NMT2: variants seen among roughly 807,000 people sequenced by gnomAD.
The protein encoded by NMT2 is N-myristoyltransferase 2.
A neutral mutation model predicts 65.4 loss-of-function variants in NMT2; 35 were observed. That is an observed-to-expected ratio of 0.54 (90% CI 0.41 to 0.71). The LOEUF (loss-of-function observed/expected upper bound fraction) is 0.71, where lower values mean the gene tolerates loss of function less well. NMT2 is among the 30% of genes least tolerant of loss of function. NMT2 has a pLI of 0.00. For missense variants in NMT2, 489 were observed against 611.3 expected, an observed-to-expected ratio of 0.80 and a Z score of 2.11; for synonymous variants, 226 against 231.8, an observed-to-expected ratio of 0.98 and a Z score of 0.23.
chr10:15,134,940 C>T (rs977269095), intron 3 of NMT2, among the ~76,000 whole-genome samples: 2 of 152,060 alleles, frequency 1.3e-5, no homozygotes, highest in Non-Finnish European at 2.9e-5. Flanking sequence ...GAGCTATGAT[C>T]ATGCCACTGC....
intron 1 of NMT2, among the ~76,000 whole-genome samples, chr10:15,152,089 C>G (rs1332313739): frequency 6.6e-6 from 1 of 152,140 alleles, no homozygotes; most frequent in Non-Finnish European, 1.5e-5. Flanking sequence ...ATAGCTTGAT[C>G]CAAGGCTGTG....
At chr10:15,120,584 A>G (rs1212099720) in intron 8 of NMT2, among the ~76,000 whole-genome samples, 1 of 152,222 alleles carries the variant, frequency 6.6e-6, no homozygotes, top group Non-Finnish European at 1.5e-5. Context: ...CCTAGAACCA[A>G]TCCTTCATGG....
rs1354079976 is a variant in NMT2 at position 15,107,986 on chromosome 10, A to C, written c.*1209T>G. On this transcript the variant is annotated 3_prime_UTR_variant, in exon 12 of 12. Coordinates refer to ENST00000378165, the MANE Select transcript of NMT2 (RefSeq NM_004808.3). ...AGTTTTCATGATAAAATCAGCATAGAGGAGTATGTGCAATTTTGCATAAGT... is the reference window on the plus strand; with the variant it reads ...AGTTTTCATGATAAAATCAGCATAGCGGAGTATGTGCAATTTTGCATAAGT... 1 of 985,722 alleles carries C rather than the reference A, an allele frequency of 1.0e-6. No homozygotes were observed. The highest frequency in any genetic ancestry group is 1.2e-6 in the Non-Finnish European group (1 of 829,804). The allele number at this position is 985,722 out of a possible 1,614,324, so 61.1% of individuals were successfully genotyped here. A position where few individuals can be genotyped will look rare whatever the true frequency, so the allele number is the denominator to read the frequency against.
intron 1 of NMT2, among the ~76,000 whole-genome samples, chr10:15,164,483 C>G (rs142676602): frequency 4.6e-4 from 70 of 152,260 alleles, no homozygotes; most frequent in African/African-American, 1.6e-3. Flanking sequence ...GACTCTGTCT[C>G]CAACAATGGA....
At chr10:15,154,806 T>C in intron 1 of NMT2, 1 of 762,074 alleles carries the variant, frequency 1.3e-6, no homozygotes, top group Non-Finnish European at 2.3e-6. Flanking sequence ...TTATTAGAGT[T>C]GTCCACAGTC....
chr10:15,116,282 A>T (rs1488438445), intron 9 of NMT2, among the ~76,000 whole-genome samples: 1 of 152,206 alleles, frequency 6.6e-6, no homozygotes, highest in Non-Finnish European at 1.5e-5. Flanking sequence ...GAGACAACAG[A>T]AAATCTCTAA....
At chr10:15,141,396 AG>A (rs1430104291) in intron 2 of NMT2, 25 bp downstream of exon 2, 1 of 1,612,944 alleles carries the variant, frequency 6.2e-7, no homozygotes, top group African/African-American at 1.3e-5. Flanking sequence ...AACCACACAG[AG>A]GAAAAAATAA....
intron 8 of NMT2, 77 bp downstream of exon 8, chr10:15,128,273 T>G (rs1410509261): frequency 2.4e-6 from 2 of 848,116 alleles, no homozygotes; most frequent in African/African-American, 3.4e-5. Flanking sequence ...GTTTTTAGAC[T>G]CCTGCAAATA....
At chr10:15,161,101 A>AAAAAAAAAAC (rs1564593766) in intron 1 of NMT2, among the ~76,000 whole-genome samples, 1 of 149,752 alleles carries the variant, frequency 6.7e-6, no homozygotes, top group African/African-American at 2.4e-5. Flanking sequence ...AAAAAAAAAA[A>AAAAAAAAAAC]AAAAAAAAAC....
At chr10:15,136,315 A>G (rs1336376028) in intron 2 of NMT2, among the ~76,000 whole-genome samples, 2 of 149,448 alleles carry the variant, frequency 1.3e-5, no homozygotes, top group African/African-American at 4.9e-5. Context: ...AGAGAGAAAG[A>G]GAAAGGGAGA....
chr10:15,113,881 A>C (rs1845658250), intron 9 of NMT2, among the ~76,000 whole-genome samples: 1 of 152,212 alleles, frequency 6.6e-6, no homozygotes, highest in Non-Finnish European at 1.5e-5. Flanking sequence ...TTCCAATACA[A>C]GAAATTAGCC....
rs755417853 is a variant in NMT2, at chr10:15,108,977, C to T, written c.*218G>A. 4.4e-5 allele frequency: 58 copies of T among 1,314,394 alleles called. No individual in the cohort carries two copies. The highest frequency in any genetic ancestry group is 5.6e-5 in the Non-Finnish European group (58 of 1,035,816). 81.4% of individuals were successfully genotyped at this position (1,314,394 alleles called of 1,614,324 possible). ...AATGTGCTCTTTGTAGCCTTTCATC[C>T]CTCCCACAAATAGGTCAACAGTAAA... On this transcript the variant is annotated 3_prime_UTR_variant, in exon 12 of 12. Coordinates refer to ENST00000378165, the MANE Select transcript of NMT2 (RefSeq NM_004808.3).
chr10:15,166,847 G>A (rs1205280084), intron 1 of NMT2, among the ~76,000 whole-genome samples: 2 of 152,164 alleles, frequency 1.3e-5, no homozygotes, highest in Non-Finnish European at 2.9e-5. Context: ...TCAGATCAAT[G>A]CGCACACAGA....
intron 3 of NMT2, among the ~76,000 whole-genome samples, chr10:15,133,756 G>GT (rs1218898700): frequency 6.6e-6 from 1 of 151,974 alleles, no homozygotes; most frequent in East Asian, 1.9e-4. Context: ...CCGGCTAATT[G>GT]TAAATTTTTT....
chr10:15,131,423 A>C (rs959601791), intron 6 of NMT2, among the ~76,000 whole-genome samples: 3 of 151,322 alleles, frequency 2.0e-5, no homozygotes, highest in Admixed American at 1.3e-4. Flanking sequence ...TGCTAGGATT[A>C]CAAGCATGAA....
intron 1 of NMT2, among the ~76,000 whole-genome samples, chr10:15,154,218 G>A (rs1041900175): frequency 6.6e-6 from 1 of 152,196 alleles, no homozygotes; most frequent in East Asian, 1.9e-4. Flanking sequence ...AGGGATGAGT[G>A]GGGCCCTCCA....
At chr10:15,166,706 A>G (rs1200891438) in intron 1 of NMT2, among the ~76,000 whole-genome samples, 1 of 152,204 alleles carries the variant, frequency 6.6e-6, no homozygotes, top group Non-Finnish European at 1.5e-5. Flanking sequence ...GGGCATCTCT[A>G]AATTTTGATT....
intron 1 of NMT2, among the ~76,000 whole-genome samples, chr10:15,147,479 A>G (rs1394890247): frequency 6.6e-6 from 1 of 152,214 alleles, no homozygotes; most frequent in Non-Finnish European, 1.5e-5. Flanking sequence ...TGCAACAGAC[A>G]TATCAGTAAC....
rs546894091 is a variant in NMT2, at chr10:15,125,955, G to T, written c.999+2395C>A. Among the ~76,000 whole-genome samples the T allele has an allele frequency of 1.3e-4, 19 of 151,714 alleles. No individual in the cohort carries two copies. The South Asian group carries it at 3.2e-3, about 25-fold the overall frequency. ...GCTGGGATTACAGGTGTGAGCCACC[G>T]CGCCTGGCCGAAGATTTTATTTCAA... is the stretch of plus-strand genomic sequence containing the variant. On this transcript the variant is annotated intron_variant, in intron 8 of 11. Coordinates refer to ENST00000378165, the MANE Select transcript of NMT2 (RefSeq NM_004808.3).
Sources: gnomAD v4.1 joint callset for allele counts (sites outside exome capture counted in the v4.1 genomes callset) on GRCh38, gnomAD v4.1.1 for gene constraint, MANE v1.5 for transcripts, NCBI Gene and HGNC (gene_info 2026-07-23, HGNC 2026-07-21) for gene names.